ABCB9: variants seen among roughly 807,000 people sequenced by gnomAD.
ABCB9 encodes the protein ATP binding cassette subfamily B member 9, also known as ABC-type oligopeptide transporter ABCB9.
A neutral mutation model predicts 62.0 loss-of-function variants in ABCB9; 36 were observed. The observed-to-expected ratio is 0.58, with a 90% CI of 0.45 to 0.77. The LOEUF (loss-of-function observed/expected upper bound fraction) is 0.77. Among genes scored for constraint, ABCB9 ranks in the 30% least tolerant of loss-of-function variants. The pLI is 0.00. For synonymous variants in ABCB9, 435 were observed against 461.4 expected (o/e 0.94, Z 0.73); for missense variants, 943 against 1,054.7 (o/e 0.89, Z 1.47).
chr12:122,970,928 G>T (rs565983552), upstream of ABCB9, among the ~76,000 whole-genome samples: 1 of 152,256 alleles, frequency 6.6e-6, no homozygotes, highest in East Asian at 1.9e-4. Flanking sequence ...GCTCCCTACT[G>T]TATGATTCCT....
At position 122,944,432 on chromosome 12, in the gene ABCB9, C is replaced by A. The variant is rs144010660; in HGVS notation, c.1339G>T (p.Ala447Ser). 2.5e-6 allele frequency: 4 copies of A among 1,613,728 alleles called. No homozygotes were observed. In the African/African-American group the frequency reaches 5.3e-5, roughly 22 times the overall value. The change falls in exon 7 of 12, where the codon GCC becomes TCC. Residue 447 changes from alanine (A) to serine (S), a missense_variant. Coordinates refer to ENST00000280560, the MANE Select transcript of ABCB9 (RefSeq NM_019625.4). This position sits in a 1 kb window ranked among gnomAD's most constrained non-coding sequence, Gnocchi z 4.9. Reference sequence around the variant, plus strand: ...AGGACAAACTCGTAGATGATGAAGGCGATGAGGTTGCCGCTGGTCATCTGG... The same window carrying A: ...AGGACAAACTCGTAGATGATGAAGGAGATGAGGTTGCCGCTGGTCATCTGG... Reference protein sequence around the residue: ...SGQMTSGNLIAFIIYEFVLGD... With the variant: ...SGQMTSGNLISFIIYEFVLGD...
rs368979621 is a variant in ABCB9 at position 122,958,831 on chromosome 12, G to C, written c.601+804C>G. Among the ~76,000 whole-genome samples the C allele has an allele frequency of 2.4e-4, 37 of 152,140 alleles. No homozygotes were observed. The South Asian group carries it at 3.1e-3, about 13-fold the overall frequency. Reference sequence around the variant, plus strand: ...CACTACAGCCTGGGCAACAGAGTGAGACCCTGTCTAAAAAAAGAAAAAAAC... The same window carrying C: ...CACTACAGCCTGGGCAACAGAGTGACACCCTGTCTAAAAAAAGAAAAAAAC... On this transcript the variant is annotated intron_variant, in intron 2 of 11. Coordinates refer to ENST00000280560, the MANE Select transcript of ABCB9 (RefSeq NM_019625.4).
chr12:122,958,351 G>A (rs1471073090), intron 2 of ABCB9, among the ~76,000 whole-genome samples: 1 of 152,094 alleles, frequency 6.6e-6, no homozygotes, highest in Non-Finnish European at 1.5e-5. Flanking sequence ...TAAGTGAAAA[G>A]AGCAAAACAT....
chr12:122,925,325 A>G (rs1243102055), downstream of ABCB9, among the ~76,000 whole-genome samples: 1 of 152,166 alleles, frequency 6.6e-6, no homozygotes, highest in Non-Finnish European at 1.5e-5. Flanking sequence ...GGAATGCAAA[A>G]TGGTGCAGCC....
chr12:122,924,804 C>T, downstream of ABCB9: 1 of 1,534,868 alleles, frequency 6.5e-7, no homozygotes, highest in East Asian at 2.4e-5. Flanking sequence ...CTGGTTTACC[C>T]AGCACACTGT....
At chr12:122,921,140 C>A in intron 11 of ABCB9, 1 of 1,236,346 alleles carries the variant, frequency 8.1e-7, no homozygotes, top group South Asian at 1.3e-5. Context: ...GTTGGCTGGG[C>A]GTGATGGGGC....
chr12:122,938,967 T>C (rs900176841), intron 9 of ABCB9, among the ~76,000 whole-genome samples: 5 of 151,402 alleles, frequency 3.3e-5, no homozygotes, highest in Admixed American at 3.3e-4. Flanking sequence ...AGGTCAAGGG[T>C]TCGAGACCAG....
intron 2 of ABCB9, among the ~76,000 whole-genome samples, chr12:122,957,312 G>T (rs540950338): frequency 7.9e-5 from 12 of 152,270 alleles, no homozygotes; most frequent in African/African-American, 1.4e-4. Context: ...CCAAAGTGCT[G>T]GGATTAGACA....
intron 1 of ABCB9, among the ~76,000 whole-genome samples, 160 bp downstream of exon 1, chr12:122,966,127 C>G (rs1389380609): frequency 1.3e-5 from 2 of 152,234 alleles, no homozygotes; most frequent in East Asian, 3.9e-4. Context: ...GGAGCTGCGG[C>G]TGCGGGCTCC....
rs57112984 is a variant in ABCB9, at chr12:122,972,037, C to CTTTTTTT, written c.-88+2671_-88+2677dup. On this transcript the variant is annotated intron_variant, in intron 1 of 11. Coordinates refer to the ABCB9 transcript ENST00000392439. ...TTCATAGCAGCTTCATTCATAATGT[C>CTTTTTTT]TTTTTTTTTTTTTTTTTTTTTTGTT... Among the ~76,000 whole-genome samples the CTTTTTTT allele has an allele frequency of 1.6e-4, 16 of 99,270 alleles. 1 individual carries two copies. Among genetic ancestry groups the CTTTTTTT allele is most frequent in the Non-Finnish European group, 1.5e-4 (8 of 53,234 alleles). The allele number at this position is 99,270 out of a possible 152,430, so 65.1% of individuals were successfully genotyped here. A position where few individuals can be genotyped will look rare whatever the true frequency, so the allele number is the denominator to read the frequency against.
chr12:122,959,548 G>T lies in ABCB9; in HGVS notation c.601+87C>A. 6.7e-7 allele frequency: 1 copy of T among 1,501,564 alleles called. No individual in the cohort carries two copies. The highest frequency in any genetic ancestry group is 1.4e-5 in the South Asian group (1 of 72,680). The allele number at this position is 1,501,564 out of a possible 1,614,324, so 93.0% of individuals were successfully genotyped here. On this transcript the variant is annotated intron_variant, in intron 2 of 11. Coordinates refer to ENST00000280560, the MANE Select transcript of ABCB9 (RefSeq NM_019625.4). The surrounding 1 kb of genome is among the most constrained non-coding windows in gnomAD (Gnocchi z 5.4). Reference sequence around the variant, plus strand: ...CATATCAATTTGATGTCTGAACCACGTAAGTAAAATCTTTTAAAATCTAAG... The same window carrying T: ...CATATCAATTTGATGTCTGAACCACTTAAGTAAAATCTTTTAAAATCTAAG...
downstream of ABCB9, among the ~76,000 whole-genome samples, chr12:122,919,946 G>A (rs768245035): frequency 9.4e-5 from 14 of 148,942 alleles, no homozygotes; most frequent in Non-Finnish European, 1.5e-4. Context: ...TCACTCTGTC[G>A]TCCAGGCTGG....
chr12:122,941,948 C>T (rs998647543), intron 7 of ABCB9, among the ~76,000 whole-genome samples: 3 of 151,906 alleles, frequency 2.0e-5, no homozygotes, highest in South Asian at 2.1e-4. Context: ...AGGCTGGTCT[C>T]GAACTTCTGA....
At position 122,963,438 on chromosome 12, in the gene ABCB9, G is replaced by A. The variant is rs139141185; in HGVS notation, c.-88+2849C>T. Among the ~76,000 whole-genome samples the A allele has an allele frequency of 5.9e-5, 9 of 152,214 alleles. No individual in the cohort carries two copies. The South Asian group carries it at 6.2e-4, about 11-fold the overall frequency. The stretch of plus-strand genomic sequence containing the variant: ...ACATTGGCTCCAGGCACTTACATGC[G>A]TCAGCACTCACCAGAGCCCTATGAA... On this transcript the variant is annotated intron_variant, in intron 1 of 11. Transcript: ENST00000280560.
chr12:122,929,877 CCTCTGCCCCACCGG>C lies in ABCB9; in HGVS notation c.*20_*33del, dbSNP rs1472135654. ...CACATCTGCCAGGCAGGCACCGGGTCCTCTGCCCCACCGGGAGAAGCAGGGGCCCCCCATCAGGC... is the reference window on the plus strand; with the variant it reads ...CACATCTGCCAGGCAGGCACCGGGTCGAGAAGCAGGGGCCCCCCATCAGGC... On this transcript the variant is annotated 3_prime_UTR_variant, in exon 12 of 12. Transcript: ENST00000280560. The surrounding 1 kb of genome is among the most constrained non-coding windows in gnomAD (Gnocchi z 6.0). 4 of 1,505,452 alleles carry C rather than the reference CCTCTGCCCCACCGG, an allele frequency of 2.7e-6. No individual in the cohort carries two copies. Among genetic ancestry groups the C allele is most frequent in the Non-Finnish European group, 3.5e-6 (4 of 1,128,916 alleles). The allele number at this position is 1,505,452 out of a possible 1,614,324, so 93.3% of individuals were successfully genotyped here. A position where few individuals can be genotyped will look rare whatever the true frequency, so the allele number is the denominator to read the frequency against.
chr12:122,960,240 C>A lies in ABCB9; in HGVS notation c.-5G>T, dbSNP rs758410760. On this transcript the variant is annotated 5_prime_UTR_variant, in exon 2 of 12. Coordinates refer to ENST00000280560, the MANE Select transcript of ABCB9 (RefSeq NM_019625.4). The stretch of plus-strand genomic sequence containing the variant: ...CACCGCCTTCCACAGCCGCATCCTG[C>A]TGGTTGGAGGTGGGCGGGTGCTGAA... The A allele has an allele frequency of 6.2e-7, 1 of 1,609,218 alleles. No individual in the cohort carries two copies. Among genetic ancestry groups the A allele is most frequent in the Non-Finnish European group, 8.5e-7 (1 of 1,177,010 alleles).
At chr12:122,974,119 G>A (rs2037339689) in intron 1 of ABCB9, among the ~76,000 whole-genome samples, 1 of 152,192 alleles carries the variant, frequency 6.6e-6, no homozygotes, top group South Asian at 2.1e-4. Context: ...GGGGGTGAGG[G>A]TGGGGTGGGG....
chr12:122,926,873 CT>C (rs2034921480), downstream of ABCB9, among the ~76,000 whole-genome samples: 1 of 152,196 alleles, frequency 6.6e-6, no homozygotes, highest in African/African-American at 2.4e-5. Flanking sequence ...GCACTCCAGT[CT>C]GGGCAATAGA....
At chr12:122,949,121 G>GA (rs1445104824) in intron 4 of ABCB9, 1 of 274,110 alleles carries the variant, frequency 3.6e-6, no homozygotes, top group African/African-American at 2.2e-5. Context: ...GACTGAGCCA[G>GA]ACTTCAAACC....
Sources: gnomAD v4.1 joint callset for allele counts (sites outside exome capture counted in the v4.1 genomes callset) on GRCh38, gnomAD v4.1.1 for gene constraint, Gnocchi (gnomAD v3.1) non-coding constraint, MANE v1.5 for transcripts, NCBI Gene and HGNC (gene_info 2026-07-23, HGNC 2026-07-21) for gene names.